Variants in SLC6A9 observed in about 807,000 individuals in gnomAD.
SLC6A9 encodes the protein sodium- and chloride-dependent glycine transporter 1.
A neutral mutation model predicts 70.9 loss-of-function variants in SLC6A9; 31 were observed. That is an observed-to-expected ratio of 0.44 (90% confidence interval 0.33 to 0.59). The LOEUF (loss-of-function observed/expected upper bound fraction) is 0.59. Among genes scored for constraint, SLC6A9 ranks in the 20% least tolerant of loss-of-function variants. The probability of loss-of-function intolerance (pLI) is 0.04; values close to 1 mark genes in which losing one functional copy is unlikely to be tolerated. For missense variants in SLC6A9, 631 were observed against 845.2 expected, an observed-to-expected ratio of 0.75 and a Z score of 3.14; for synonymous variants, 310 against 341.3, an observed-to-expected ratio of 0.91 and a Z score of 1.01.
chr1:44,012,772 G>C (rs1029553747), intron 2 of SLC6A9, among the ~76,000 whole-genome samples: 1 of 152,240 alleles, frequency 6.6e-6, no homozygotes, highest in Non-Finnish European at 1.5e-5. Flanking sequence ...GTCAAGGAAG[G>C]TCTCCCTGAT....
chr1:44,020,862 T>C (rs753552665), intron 2 of SLC6A9, among the ~76,000 whole-genome samples: 8 of 152,224 alleles, frequency 5.3e-5, no homozygotes, highest in Non-Finnish European at 1.2e-4. Flanking sequence ...TCCTTGGATT[T>C]GGACACTCTG....
At chr1:44,023,358 C>T (rs2086922374) in intron 2 of SLC6A9, among the ~76,000 whole-genome samples, 1 of 152,054 alleles carries the variant, frequency 6.6e-6, no homozygotes, top group Non-Finnish European at 1.5e-5. Context: ...AGAACCTCAC[C>T]CAGGCCGGGT....
intron 1 of SLC6A9, among the ~76,000 whole-genome samples, chr1:44,029,636 T>C (rs1018198666): frequency 3.3e-5 from 5 of 152,306 alleles, no homozygotes; most frequent in African/African-American, 4.8e-5. Flanking sequence ...CACGTAGCAA[T>C]TGAGGCATGC....
intron 2 of SLC6A9, among the ~76,000 whole-genome samples, chr1:44,023,518 T>C (rs988093091): frequency 1.3e-5 from 2 of 152,132 alleles, no homozygotes; most frequent in Non-Finnish European, 2.9e-5. Flanking sequence ...GGCTCATGCC[T>C]GTAACCCCAG....
intron 8 of SLC6A9, 128 bp from the exon 9 acceptor site, chr1:44,001,755 T>C: frequency 1.4e-6 from 1 of 709,536 alleles, no homozygotes; most frequent in South Asian, 1.7e-5. Flanking sequence ...GGAGACAGGG[T>C]CTCACTCTGT....
intron 1 of SLC6A9, chr1:44,030,642 C>G (rs973380402): frequency 6.6e-6 from 1 of 152,412 alleles, no homozygotes; most frequent in Non-Finnish European, 1.5e-5. Context: ...GCAGTCCCTT[C>G]CCAAAGCCGC....
chr1:44,000,817 G>A lies in SLC6A9; in HGVS notation c.1486C>T (p.Pro496Ser), dbSNP rs1180707295. The A allele has an allele frequency of 8.1e-6, 13 of 1,612,416 alleles. No individual in the cohort carries two copies. The highest frequency in any genetic ancestry group is 1.0e-5 in the Non-Finnish European group (12 of 1,179,276). Residue 496 changes from proline (P) to serine (S), a missense_variant, in exon 12 of 14, where the codon CCC becomes TCC. Transcript: ENST00000372310. ...DIQMMLGFPPPLFFQICWRFV... is the reference protein window; with the variant it reads ...DIQMMLGFPPSLFFQICWRFV... The stretch of plus-strand genomic sequence containing the variant: ...CGCCAGCAGATCTGAAAGAAGAGGG[G>A]TGGTGGGAATCCCAGCATCATCTGG...
chr1:44,029,606 C>G (rs2087054861), intron 1 of SLC6A9, among the ~76,000 whole-genome samples: 1 of 152,182 alleles, frequency 6.6e-6, no homozygotes. Context: ...AGCCTTCCTA[C>G]TGTACCCCCA....
At chr1:44,027,708 G>C (rs1371117621) in intron 1 of SLC6A9, among the ~76,000 whole-genome samples, 6 of 152,250 alleles carry the variant, frequency 3.9e-5, no homozygotes. Flanking sequence ...AGGAGTGGTG[G>C]CTCACGCCTG....
In SLC6A9 at chr1:43,997,698, A is replaced by G. The variant is rs1401305148; in HGVS notation, c.1749T>C (p.Pro583=). 1.2e-6 allele frequency: 2 copies of G among 1,610,802 alleles called. No individual in the cohort carries two copies. Residue 583 remains proline (P), a synonymous_variant, in exon 14 of 14, where the codon CCT becomes CCC. Coordinates refer to ENST00000372310, the MANE Select transcript of SLC6A9 (RefSeq NM_001024845.3). This position sits in a 1 kb window ranked among gnomAD's most constrained non-coding sequence, Gnocchi z 4.4. ...NATKPSRDWG[P]ALLEHRTGRY... ...GCCCTGTCCGGTGCTCCAGGAGGGC[A>G]GGGCCCCAGTCTCTGCTTGGCTTTG... is the stretch of plus-strand genomic sequence containing the variant.
At chr1:44,022,941 A>G (rs2428966) in intron 2 of SLC6A9, among the ~76,000 whole-genome samples, 35,365 of 151,812 alleles carry the variant, frequency 0.23, 9,165 homozygotes, top group African/African-American at 0.65. Flanking sequence ...CCTGATCTCA[A>G]GTGATCTGCC....
Position 44,024,239 on chromosome 1 carries a change from T to A in SLC6A9, c.30+9A>T. ...CCGTTCCTTCCCGCAGTCTGGCCTC[T>A]GTACTCACCAGCATCCCTTTGGCAC... is the stretch of plus-strand genomic sequence containing the variant. On this transcript the variant is annotated intron_variant, in intron 2 of 13. Transcript: ENST00000372310. 2 of 1,614,160 alleles carry A rather than the reference T, an allele frequency of 1.2e-6. No individual in the cohort carries two copies. Among genetic ancestry groups the A allele is most frequent in the Non-Finnish European group, 1.7e-6 (2 of 1,179,962 alleles).
chr1:44,014,991 C>T (rs1458434577), intron 2 of SLC6A9: 4 of 152,194 alleles, frequency 2.6e-5, no homozygotes, highest in African/African-American at 9.7e-5. Context: ...ACTCATATTC[C>T]ATAGCTCTCC....
rs1236884799 is a variant in SLC6A9 at position 44,011,575 on chromosome 1, G to A, written c.31-693C>T. 3 of 1,613,834 alleles carry A rather than the reference G, an allele frequency of 1.9e-6. No homozygotes were observed. Among genetic ancestry groups the A allele is most frequent in the Non-Finnish European group, 2.5e-6 (3 of 1,179,900 alleles). On this transcript the variant is annotated intron_variant, in intron 2 of 13. Transcript: ENST00000372310. ...GGGGAGCTGACCTGGGCCATGGCTAGGGAGTGCTGGGCCATGAGTTGGGGA... is the reference window on the plus strand; with the variant it reads ...GGGGAGCTGACCTGGGCCATGGCTAAGGAGTGCTGGGCCATGAGTTGGGGA...
rs560648479 is a variant in SLC6A9, at chr1:44,008,962, C to T, written c.320-339G>A. ...GTCTTGATCTCCTGACCTCGTGATC[C>T]GCCTGCCTCGGCCTCCCGAAGTGCT... is the stretch of plus-strand genomic sequence containing the variant. On this transcript the variant is annotated intron_variant, in intron 4 of 13. Transcript: ENST00000372310. 1.2e-3 allele frequency among the ~76,000 whole-genome samples: 180 copies of T among 150,620 alleles called. 2 individuals carry two copies. Among genetic ancestry groups the T allele is most frequent in the Non-Finnish European group, 2.2e-3 (148 of 67,742 alleles).
chr1:44,010,467 G>GGT, intron 3 of SLC6A9: 1 of 239,164 alleles, frequency 4.2e-6, no homozygotes. Flanking sequence ...GGGGGGGGGG[G>GGT]GGGGTTAGGT....
chr1:44,009,019 C>CTTTT (rs35340201), intron 4 of SLC6A9, among the ~76,000 whole-genome samples: 10 of 71,798 alleles, frequency 1.4e-4, no homozygotes, highest in African/African-American at 3.3e-4. Flanking sequence ...CGCGCCCGGC[C>CTTTT]TTTTTTTTTT....
At position 44,000,775 on chromosome 1, in the gene SLC6A9, T is replaced by C; in HGVS notation, c.1528A>G (p.Ile510Val). 6.2e-7 allele frequency: 1 copy of C among 1,604,110 alleles called. No individual in the cohort carries two copies. Among genetic ancestry groups the C allele is most frequent in the South Asian group, 1.1e-5 (1 of 89,794 alleles). ...QICWRFVSPAIIFFILVFTVI... is the reference protein window; with the variant it reads ...QICWRFVSPAVIFFILVFTVI... ...CCGGCCAGGGAACTCACGAAGATGA[T>C]GGCGGGAGAGACGAAGCGCCAGCAG... Residue 510 changes from isoleucine to valine, a missense_variant, in exon 12 of 14, where the codon ATC becomes GTC. Transcript: ENST00000372310.
intron 1 of SLC6A9, among the ~76,000 whole-genome samples, chr1:44,026,575 C>G (rs2086986941): frequency 6.6e-6 from 1 of 151,728 alleles, no homozygotes; most frequent in African/African-American, 2.4e-5. Context: ...AGGAGAATGG[C>G]TTGAATCTGG....
Sources: gnomAD v4.1 joint callset for allele counts (sites outside exome capture counted in the v4.1 genomes callset) on GRCh38, gnomAD v4.1.1 for gene constraint, Gnocchi (gnomAD v3.1) non-coding constraint, MANE v1.5 for transcripts, NCBI Gene and HGNC (gene_info 2026-07-23, HGNC 2026-07-21) for gene names.